STIM1: variants seen among roughly 807,000 people sequenced by gnomAD.
The protein encoded by STIM1 is stromal interaction molecule 1.
Under a neutral mutation model 74.7 loss-of-function variants are expected in STIM1, and 25 were observed. That is an observed-to-expected ratio of 0.33 (90% CI 0.24 to 0.47). The LOEUF (loss-of-function observed/expected upper bound fraction) is 0.47, where lower values mean the gene tolerates loss of function less well. Among genes scored for constraint, STIM1 ranks in the 20% least tolerant of loss-of-function variants. The pLI, the probability that STIM1 is intolerant of heterozygous loss-of-function variation, is 1.00. For synonymous variants in STIM1, 328 were observed against 348.8 expected (o/e 0.94, Z 0.66); for missense variants, 728 against 920.8 (o/e 0.79, Z 2.71).
chr11:4,088,998 G>A (rs1009519925), intron 12 of STIM1: 11 of 407,166 alleles, frequency 2.7e-5, no homozygotes, highest in Non-Finnish European at 4.2e-5. Flanking sequence ...TTGGGAGGCC[G>A]AGAGCGGAGG....
chr11:3,989,544 G>A lies in STIM1; in HGVS notation c.270+21862G>A, dbSNP rs966504268. 9 of 563,556 alleles carry A rather than the reference G, an allele frequency of 1.6e-5. No homozygotes were observed. The East Asian group carries it at 3.1e-4, about 20-fold the overall frequency. The allele number at this position is 563,556 out of a possible 1,614,324, so 34.9% of individuals were successfully genotyped here. A position where few individuals can be genotyped will look rare whatever the true frequency, so the allele number is the denominator to read the frequency against. On this transcript the variant is annotated intron_variant, in intron 2 of 12. Coordinates refer to ENST00000526596, the MANE Select transcript of STIM1 (RefSeq NM_001382567.1). ...CTTCGCGAAGCTGGGCTGCCTGGTCGCTGCCGCTCCTCCCGCCGCCCGAGC... is the reference window on the plus strand; with the variant it reads ...CTTCGCGAAGCTGGGCTGCCTGGTCACTGCCGCTCCTCCCGCCGCCCGAGC...
chr11:4,063,546 A>G (rs980125250), intron 5 of STIM1, among the ~76,000 whole-genome samples: 1 of 152,268 alleles, frequency 6.6e-6, no homozygotes, highest in Non-Finnish European at 1.5e-5. Context: ...AGACTACAGT[A>G]TAGTGTAAAC....
At chr11:3,895,654 CTTT>C (rs1565104643) in intron 1 of STIM1, among the ~76,000 whole-genome samples, 5 of 14,394 alleles carry the variant, frequency 3.5e-4, no homozygotes, top group Non-Finnish European at 6.2e-4. Context: ...TTCTTTCTTT[CTTT>C]CTTTCTTTCT....
Position 4,047,757 on chromosome 11 carries a change from C to G in STIM1, c.386-7769C>G, listed in dbSNP as rs533387585. Among the ~76,000 whole-genome samples, 8 of 152,008 alleles carry G rather than the reference C, an allele frequency of 5.3e-5. No homozygotes were observed. The South Asian group carries it at 1.5e-3, about 28-fold the overall frequency. On this transcript the variant is annotated intron_variant, in intron 3 of 12. Transcript: ENST00000526596. ...ATCTCTTGAGCCCAGGAGTTCAAGG[C>G]TGCAGTGAGCTGTGACCATGCCACT...
chr11:3,867,085 A>T (rs1227388179), intron 1 of STIM1: 1 of 152,182 alleles, frequency 6.6e-6, no homozygotes, highest in African/African-American at 2.4e-5. Context: ...CAAGTACTTG[A>T]CATCAGTTCC....
chr11:4,011,677 C>T (rs552526508), intron 2 of STIM1, among the ~76,000 whole-genome samples: 4 of 152,176 alleles, frequency 2.6e-5, no homozygotes, highest in East Asian at 3.9e-4. Context: ...ATAGGTTGCC[C>T]GTTCGCTCTG....
intron 1 of STIM1, among the ~76,000 whole-genome samples, chr11:3,952,848 G>T (rs781694858): frequency 6.6e-6 from 1 of 152,198 alleles, no homozygotes; most frequent in African/African-American, 2.4e-5. Flanking sequence ...AGGCAAATAG[G>T]CTGTCTACCA....
At chr11:3,870,670 T>A (rs1009388158) in intron 1 of STIM1, among the ~76,000 whole-genome samples, 1 of 151,940 alleles carries the variant, frequency 6.6e-6, no homozygotes, top group African/African-American at 2.4e-5. Context: ...CTAGTTTTTA[T>A]ATTTTTTGTA....
At chr11:4,013,456 G>A (rs1011948496) in intron 2 of STIM1, among the ~76,000 whole-genome samples, 2 of 152,024 alleles carry the variant, frequency 1.3e-5, no homozygotes, top group African/African-American at 2.4e-5. Flanking sequence ...TCTTGGGAGG[G>A]TGTATGTGTC....
At chr11:4,014,388 AAT>A (rs1233499714) in intron 2 of STIM1, among the ~76,000 whole-genome samples, 4 of 152,244 alleles carry the variant, frequency 2.6e-5, no homozygotes, top group Non-Finnish European at 5.9e-5. Flanking sequence ...CCTGAGTTCT[AAT>A]TTGATTGCAC....
intron 7 of STIM1, among the ~76,000 whole-genome samples, chr11:4,079,267 T>C (rs917404960): frequency 2.0e-5 from 3 of 151,286 alleles, no homozygotes; most frequent in Admixed American, 2.0e-4. Context: ...CACTCCAGCC[T>C]GGGTGACAGA....
At chr11:4,087,537 G>A (rs981837014) in intron 12 of STIM1, among the ~76,000 whole-genome samples, 2 of 152,148 alleles carry the variant, frequency 1.3e-5, no homozygotes, top group Non-Finnish European at 2.9e-5. Context: ...AACAGGTGAG[G>A]CTAGAATGAC....
intron 2 of STIM1, among the ~76,000 whole-genome samples, chr11:4,007,503 C>T (rs780647411): frequency 6.6e-6 from 1 of 152,046 alleles, no homozygotes; most frequent in South Asian, 2.1e-4. Flanking sequence ...GTGCTAGTAC[C>T]CAGCTTGTGG....
chr11:4,083,726 G>A (rs2094477602), intron 10 of STIM1: 1 of 564,524 alleles, frequency 1.8e-6, no homozygotes, highest in African/African-American at 1.9e-5. Context: ...GGTCTATTGT[G>A]CTAAGTGTGT....
intron 3 of STIM1, among the ~76,000 whole-genome samples, chr11:4,041,300 G>T (rs1483453857): frequency 6.6e-6 from 1 of 152,188 alleles, no homozygotes; most frequent in Non-Finnish European, 1.5e-5. Context: ...TGAGGCTGGA[G>T]TTCATGCATA....
chr11:3,918,332 C>T (rs917687942), intron 1 of STIM1, among the ~76,000 whole-genome samples: 24 of 152,042 alleles, frequency 1.6e-4, no homozygotes, highest in African/African-American at 5.8e-4. Flanking sequence ...GCCTGGGTAA[C>T]ATGAGGAAAT....
chr11:3,923,298 A>T (rs1370568963), intron 1 of STIM1, among the ~76,000 whole-genome samples: 1 of 152,016 alleles, frequency 6.6e-6, no homozygotes, highest in Non-Finnish European at 1.5e-5. Context: ...CAATTGATCC[A>T]ACACCATTTA....
chr11:3,941,541 A>G (rs2093004578), intron 1 of STIM1, among the ~76,000 whole-genome samples: 1 of 151,826 alleles, frequency 6.6e-6, no homozygotes, highest in African/African-American at 2.4e-5. Context: ...AAAGGAATGC[A>G]GCAGTGTTGT....
intron 2 of STIM1, among the ~76,000 whole-genome samples, chr11:4,002,596 A>G: frequency 6.7e-6 from 1 of 149,462 alleles, no homozygotes; most frequent in Middle Eastern, 3.2e-3. Context: ...CAGTGTGTAG[A>G]GGGAAATTTA....
Sources: allele counts gnomAD v4.1 joint callset (sites outside exome capture counted in the v4.1 genomes callset), GRCh38; gene constraint gnomAD v4.1.1; transcripts MANE v1.5; gene names NCBI Gene and HGNC (gene_info 2026-07-23, HGNC 2026-07-21).